NUGGC: variants seen among roughly 807,000 people sequenced by gnomAD.
NUGGC encodes the protein nuclear GTPase, germinal center associated.
NUGGC carries 58 observed loss-of-function variants against 92.6 expected under a neutral mutation model. That is an observed-to-expected ratio of 0.63 (90% CI 0.51 to 0.78). The LOEUF is 0.78. Ranked by LOEUF, NUGGC falls within the 30% of genes least tolerant of loss-of-function variation. The pLI is 0.00. For missense variants in NUGGC, 925 were observed against 964.6 expected (o/e 0.96, Z 0.54); for synonymous variants, 376 against 366.4 (o/e 1.03, Z -0.30).
At chr8:28,061,387 A>G (rs368989570) in intron 7 of NUGGC, among the ~76,000 whole-genome samples, 2 of 152,144 alleles carry the variant, frequency 1.3e-5, no homozygotes, top group African/African-American at 4.8e-5. Context: ...CTCTAATTGT[A>G]TTGTTACTCT....
intron 10 of NUGGC, among the ~76,000 whole-genome samples, chr8:28,055,448 G>C (rs368792613): frequency 6.6e-6 from 1 of 152,006 alleles, no homozygotes; most frequent in Admixed American, 6.6e-5. Context: ...ATGCTCATTC[G>C]ACCCTCTCAA....
intron 13 of NUGGC, among the ~76,000 whole-genome samples, chr8:28,037,686 G>T (rs1585561418): frequency 6.6e-6 from 1 of 152,184 alleles, no homozygotes; most frequent in East Asian, 1.9e-4. Context: ...AAATAGGCAT[G>T]TGACCCACTT....
At chr8:28,083,218 A>G (rs1160244911) in intron 1 of NUGGC, among the ~76,000 whole-genome samples, 1 of 152,208 alleles carries the variant, frequency 6.6e-6, no homozygotes, top group African/African-American at 2.4e-5. Flanking sequence ...GGTCAAGGTC[A>G]ACACCAACAG....
Position 28,050,306 on chromosome 8 carries a change from A to T in NUGGC, c.1207-2694T>A, listed in dbSNP as rs368757326. Among the ~76,000 whole-genome samples, 25 of 152,048 alleles carry T rather than the reference A, an allele frequency of 1.6e-4. No individual in the cohort carries two copies. In the East Asian group the frequency reaches 3.9e-3, roughly 24 times the overall value. ...AGGCTGAGGCAGGAGAATCGCTTGA[A>T]CCAGGGAGGCAGATATTGTGGTAAG... On this transcript the variant is annotated intron_variant, in intron 10 of 18. Coordinates refer to ENST00000413272, the MANE Select transcript of NUGGC (RefSeq NM_001010906.2).
At chr8:28,053,197 A>C (rs1404528652) in intron 10 of NUGGC, among the ~76,000 whole-genome samples, 1 of 152,178 alleles carries the variant, frequency 6.6e-6, no homozygotes, top group Non-Finnish European at 1.5e-5. Flanking sequence ...TGTGGCTCAC[A>C]CCTGTAATCC....
chr8:28,041,101 C>T lies in NUGGC; in HGVS notation c.1561G>A (p.Val521Ile), dbSNP rs907393161. ...CGGTAAGAAGTCCTGGCGGTCCTGA[C>T]CCCTTCTTGCAGAGGCTGCTCCATG... ...ACMEQPLQEG[V>I]RTARTSYRCI... Residue 521 changes from valine (V) to isoleucine (I), a missense_variant, in exon 13 of 19, where the codon GTC (valine) becomes ATC (isoleucine). Transcript: ENST00000413272. 1.2e-6 allele frequency: 2 copies of T among 1,607,940 alleles called. No homozygotes were observed. Among genetic ancestry groups the T allele is most frequent in the Non-Finnish European group, 1.7e-6 (2 of 1,177,406 alleles).
At chr8:28,025,613 G>T (rs1048809416) in intron 18 of NUGGC, among the ~76,000 whole-genome samples, 4 of 139,430 alleles carry the variant, frequency 2.9e-5, no homozygotes, top group African/African-American at 1.1e-4. Flanking sequence ...TAGTGTGAGG[G>T]TGTTGTATCT....
In NUGGC at chr8:28,046,680, ATT is replaced by A. The variant is rs4054869; in HGVS notation, c.1312+825_1312+826del. ...AGGGGACTAAGGAAATGATAACCCA[ATT>A]TTTTTTTTTTTTTTTGAGACGAAGT... is the stretch of plus-strand genomic sequence containing the variant. On this transcript the variant is annotated intron_variant, in intron 11 of 18. Coordinates refer to ENST00000413272, the MANE Select transcript of NUGGC (RefSeq NM_001010906.2). 3.5e-3 allele frequency among the ~76,000 whole-genome samples: 484 copies of A among 139,600 alleles called. 4 individuals are homozygous for A. Among genetic ancestry groups the A allele is most frequent in the African/African-American group, 0.011 (428 of 37,640 alleles). 91.6% of individuals were successfully genotyped at this position (139,600 alleles called of 152,430 possible). A position where few individuals can be genotyped will look rare whatever the true frequency, so the allele number is the denominator to read the frequency against.
At chr8:28,070,759 CA>C (rs1448579423) in intron 2 of NUGGC, among the ~76,000 whole-genome samples, 2 of 150,902 alleles carry the variant, frequency 1.3e-5, no homozygotes, top group African/African-American at 4.9e-5. Flanking sequence ...TCACACCTGG[CA>C]AATTTTTGTA....
intron 10 of NUGGC, 71 bp downstream of exon 10, chr8:28,055,894 G>A: frequency 4.9e-6 from 4 of 812,408 alleles, no homozygotes; most frequent in Non-Finnish European, 2.0e-6. Context: ...CACAATACCA[G>A]GCATACATTT....
intron 12 of NUGGC, among the ~76,000 whole-genome samples, chr8:28,042,761 A>T (rs1199540639): frequency 1.3e-5 from 2 of 152,214 alleles, no homozygotes; most frequent in Non-Finnish European, 2.9e-5. Context: ...ACATTTGTGG[A>T]TTGAACGAGT....
intron 4 of NUGGC, among the ~76,000 whole-genome samples, 174 bp from the exon 5 acceptor site, chr8:28,068,612 G>T (rs188535066): frequency 6.6e-4 from 101 of 152,302 alleles, no homozygotes; most frequent in African/African-American, 2.3e-3. Context: ...CACAGAGTTG[G>T]CCTGGGGATC....
chr8:28,026,534 A>G (rs946512462), intron 18 of NUGGC, among the ~76,000 whole-genome samples: 1 of 152,208 alleles, frequency 6.6e-6, no homozygotes, highest in Non-Finnish European at 1.5e-5. Context: ...TAAAAGAAAG[A>G]CTTTATGGAG....
At chr8:28,035,599 G>A (rs1809534700) in intron 13 of NUGGC, among the ~76,000 whole-genome samples, 1 of 152,138 alleles carries the variant, frequency 6.6e-6, no homozygotes, top group African/African-American at 2.4e-5. Context: ...TGACCCAAGA[G>A]CCACCATGGA....
At chr8:28,071,340 C>T (rs879501137) in intron 2 of NUGGC, among the ~76,000 whole-genome samples, 3 of 152,060 alleles carry the variant, frequency 2.0e-5, no homozygotes, top group Non-Finnish European at 4.4e-5. Flanking sequence ...AAGCAGAATG[C>T]AAAGGAAAAC....
At chr8:28,046,398 C>G (rs1809835126) in intron 11 of NUGGC, among the ~76,000 whole-genome samples, 1 of 152,172 alleles carries the variant, frequency 6.6e-6, no homozygotes, top group South Asian at 2.1e-4. Context: ...GCAGTCCTGA[C>G]CCTGCCTGCC....
At chr8:28,056,477 CAAAA>C (rs1281043672) in intron 9 of NUGGC, among the ~76,000 whole-genome samples, 1 of 125,816 alleles carries the variant, frequency 7.9e-6, no homozygotes, top group Non-Finnish European at 1.7e-5. Context: ...GACTGTATCT[CAAAA>C]AAAAAAAAAA....
At chr8:28,037,090 T>A (rs1037957001) in intron 13 of NUGGC, among the ~76,000 whole-genome samples, 1 of 152,096 alleles carries the variant, frequency 6.6e-6, no homozygotes, top group Non-Finnish European at 1.5e-5. Flanking sequence ...CAAAACTGTC[T>A]ACGATTCCTC....
At chr8:28,070,116 T>G (rs1810549377) in intron 3 of NUGGC, 136 bp downstream of exon 3, 3 of 1,441,344 alleles carry the variant, frequency 2.1e-6, no homozygotes, top group Non-Finnish European at 2.7e-6. Context: ...ACAGAGACTT[T>G]GAGCCCTCTC....
Sources: allele counts gnomAD v4.1 joint callset (sites outside exome capture counted in the v4.1 genomes callset), GRCh38; gene constraint gnomAD v4.1.1; transcripts MANE v1.5; gene names NCBI Gene and HGNC (gene_info 2026-07-23, HGNC 2026-07-21).